The following RANBP2 variants were observed in gnomAD, a reference collection of about 807,000 sequenced individuals.
RANBP2 encodes the protein E3 SUMO-protein ligase RanBP2.
In RANBP2, 57 loss-of-function variants were observed where a neutral mutation model predicts 303.6. The ratio of observed to expected loss-of-function variants is 0.19; its 90% CI spans 0.15 to 0.23. RANBP2 has a LOEUF of 0.23. RANBP2 is among the 10% of genes least tolerant of loss of function. The probability of loss-of-function intolerance (pLI) is 1.00; values close to 1 mark genes in which losing one functional copy is unlikely to be tolerated. For missense variants in RANBP2, 3,138 were observed against 3,780.8 expected (o/e 0.83, Z 4.46); for synonymous variants, 1,167 against 1,301.5 (o/e 0.90, Z 2.23).
At chr2:109,545,387 C>A in the RANBP2 span, 1 of 1,532,044 alleles carries the variant, frequency 6.5e-7, no homozygotes, top group Non-Finnish European at 8.7e-7. Flanking sequence ...ACACATACCC[C>A]AAACCTACAC....
chr2:109,149,679 T>G, the RANBP2 span, among the ~76,000 whole-genome samples: 1 of 152,192 alleles, frequency 6.6e-6, no homozygotes, highest in Non-Finnish European at 1.5e-5. Flanking sequence ...AGCAGCAACG[T>G]TGCAGAGAGC....
the RANBP2 span, among the ~76,000 whole-genome samples, chr2:108,927,984 AC>A: frequency 4.7e-5 from 7 of 148,800 alleles, no homozygotes; most frequent in African/African-American, 1.7e-4. Flanking sequence ...CCTCTCCTCC[AC>A]CCCCGGTGCC....
the RANBP2 span, among the ~76,000 whole-genome samples, chr2:109,728,128 A>G: frequency 6.6e-6 from 1 of 152,204 alleles, no homozygotes; most frequent in Non-Finnish European, 1.5e-5. Context: ...TAGCCTGTAG[A>G]GAGGCTCGCA....
At chr2:109,096,862 T>A in the RANBP2 span, among the ~76,000 whole-genome samples, 1 of 150,796 alleles carries the variant, frequency 6.6e-6, no homozygotes, top group Non-Finnish European at 1.5e-5. Context: ...ATTGATAAAC[T>A]TGCTCATATG....
chr2:109,567,331 AT>A, the RANBP2 span, among the ~76,000 whole-genome samples: 1 of 152,224 alleles, frequency 6.6e-6, no homozygotes, highest in African/African-American at 2.4e-5. Flanking sequence ...AGAAAGTAAA[AT>A]TAAGAACTTA....
At chr2:109,365,411 T>A in the RANBP2 span, among the ~76,000 whole-genome samples, 1 of 152,226 alleles carries the variant, frequency 6.6e-6, no homozygotes, top group African/African-American at 2.4e-5. Flanking sequence ...GGATTTCTGG[T>A]ATTTCCCTAT....
chr2:109,645,497 T>C, the RANBP2 span, among the ~76,000 whole-genome samples: 1 of 152,324 alleles, frequency 6.6e-6, no homozygotes, highest in African/African-American at 2.4e-5. Context: ...CGGGTCCTCC[T>C]CAGTTTGCTT....
chr2:109,557,851 CTT>C, the RANBP2 span, among the ~76,000 whole-genome samples: 12 of 140,736 alleles, frequency 8.5e-5, no homozygotes, highest in African/African-American at 7.8e-5. Flanking sequence ...TCATAATTTT[CTT>C]TTTTTTTTTT....
At chr2:109,269,795 A>G in the RANBP2 span, among the ~76,000 whole-genome samples, 1 of 152,172 alleles carries the variant, frequency 6.6e-6, no homozygotes, top group Non-Finnish European at 1.5e-5. Flanking sequence ...AACTGAAGAT[A>G]GTTACCAAGA....
chr2:109,662,882 T>TC, the RANBP2 span, among the ~76,000 whole-genome samples: 1 of 152,168 alleles, frequency 6.6e-6, no homozygotes, highest in Non-Finnish European at 1.5e-5. Context: ...TTCCTAATGA[T>TC]CCCCTGGCCT....
the RANBP2 span, among the ~76,000 whole-genome samples, chr2:109,325,525 T>A: frequency 5.9e-5 from 9 of 151,752 alleles, no homozygotes; most frequent in Non-Finnish European, 1.0e-4. Flanking sequence ...CTTTCTTGGT[T>A]CCCCGCTTCC....
the RANBP2 span, among the ~76,000 whole-genome samples, chr2:109,493,708 A>G: frequency 6.6e-6 from 1 of 151,884 alleles, no homozygotes; most frequent in African/African-American, 2.4e-5. Flanking sequence ...CACCATACAT[A>G]CACACCATAA....
the RANBP2 span, among the ~76,000 whole-genome samples, chr2:108,963,108 G>A: frequency 6.6e-5 from 10 of 152,152 alleles, no homozygotes; most frequent in Admixed American, 6.5e-5. Context: ...TGCAGAGGCC[G>A]CAAACTGCTG....
At chr2:109,415,776 T>C in the RANBP2 span, among the ~76,000 whole-genome samples, 1 of 152,198 alleles carries the variant, frequency 6.6e-6, no homozygotes, top group African/African-American at 2.4e-5. Flanking sequence ...CCTGGGCTCC[T>C]CTAGGCCCAC....
chr2:109,675,391 A>G, the RANBP2 span, among the ~76,000 whole-genome samples: 5 of 152,158 alleles, frequency 3.3e-5, no homozygotes, highest in Non-Finnish European at 5.9e-5. Context: ...GATGGAAACT[A>G]TGGCAACTGG....
the RANBP2 span, among the ~76,000 whole-genome samples, chr2:109,511,937 C>T: frequency 1.0e-3 from 159 of 152,226 alleles, 1 homozygote; most frequent in African/African-American, 3.7e-3. Flanking sequence ...CAGCAGGTGC[C>T]GATGCACACG....
chr2:109,278,935 T>A, the RANBP2 span, among the ~76,000 whole-genome samples: 2 of 152,204 alleles, frequency 1.3e-5, no homozygotes, highest in Non-Finnish European at 2.9e-5. Flanking sequence ...TCCGTGAGAA[T>A]GTCTACTTTG....
At chr2:108,879,741 G>A in the RANBP2 span, among the ~76,000 whole-genome samples, 6 of 152,158 alleles carry the variant, frequency 3.9e-5, no homozygotes, top group Admixed American at 1.3e-4. Flanking sequence ...TGACTAAGCC[G>A]CTATCATTGT....
At chr2:108,858,202 G>A in the RANBP2 span, among the ~76,000 whole-genome samples, 1 of 152,092 alleles carries the variant, frequency 6.6e-6, no homozygotes, top group African/African-American at 2.4e-5. Context: ...AAATTAGCCG[G>A]GCATGGTGGT....
Sources: gnomAD v4.1 joint callset for allele counts (sites outside exome capture counted in the v4.1 genomes callset) on GRCh38, gnomAD v4.1.1 for gene constraint, MANE v1.5 for transcripts, NCBI Gene and HGNC (gene_info 2026-07-23, HGNC 2026-07-21) for gene names.